STRN: variants seen among roughly 807,000 people sequenced by gnomAD.
STRN encodes the protein protein phosphatase 2 regulatory subunit B'''alpha.
In STRN, 53 loss-of-function variants were observed where a neutral mutation model predicts 96.3. That is an observed-to-expected ratio of 0.55 (90% CI 0.44 to 0.69). The LOEUF (loss-of-function observed/expected upper bound fraction) is 0.69. Among genes scored for constraint, STRN ranks in the 30% least tolerant of loss-of-function variants. The probability of loss-of-function intolerance (pLI) is 0.00; values close to 1 mark genes in which losing one functional copy is unlikely to be tolerated. For missense variants in STRN, 987 were observed against 963.9 expected, an observed-to-expected ratio of 1.02 and a Z score of -0.32; for synonymous variants, 428 against 355.9, an observed-to-expected ratio of 1.20 and a Z score of -2.28.
rs1171354299 is a variant in STRN at position 36,848,380 on chromosome 2, G to C, written c.*1076C>G. ...AGTGCTTCTGCAAAAGCAGCTGCGT[G>C]AAGTTAACCATACTCTTTGGGCTAT... On this transcript the variant is annotated 3_prime_UTR_variant, in exon 18 of 18. Transcript: ENST00000263918. 2 of 152,186 alleles carry C rather than the reference G, an allele frequency of 1.3e-5. No homozygotes were observed. The highest frequency in any genetic ancestry group is 2.9e-5 in the Non-Finnish European group (2 of 68,036). The allele number at this position is 152,186 out of a possible 1,614,324, so 9.4% of individuals were successfully genotyped here.
In STRN at chr2:36,893,951, G is replaced by A; in HGVS notation, c.878C>T (p.Thr293Ile). Residue 293 changes from threonine (T) to isoleucine (I), a missense_variant, in exon 7 of 18, where the codon ACA becomes ATA. Coordinates refer to ENST00000263918, the MANE Select transcript of STRN (RefSeq NM_003162.4). ...AGATTCATTGTCTCCTTCCTCTGAT[G>A]TAACCAAGAAGTCAAACTCCTTTAG... ...EALKEFDFLV[T>I]SEEGDNESRS... is the part of the protein sequence containing the mutation. The A allele has an allele frequency of 3.7e-6, 6 of 1,613,488 alleles. No individual in the cohort carries two copies. The highest frequency in any genetic ancestry group is 5.1e-6 in the Non-Finnish European group (6 of 1,179,790).
chr2:36,896,946 T>C (rs1669555749), intron 6 of STRN, among the ~76,000 whole-genome samples: 1 of 152,140 alleles, frequency 6.6e-6, no homozygotes, highest in Admixed American at 6.5e-5. Context: ...GGCAGGCGGA[T>C]CACCTGAGGT....
rs1043150782 is a variant in STRN, at chr2:36,863,479, A to C, written c.1548-2226T>G. On this transcript the variant is annotated intron_variant, in intron 12 of 17. Transcript: ENST00000263918. The stretch of plus-strand genomic sequence containing the variant: ...CAACTTTGTCGAAGATTAGACGGTT[A>C]TAAGTGTGCAGCTTTATTTCTGGGC... Among the ~76,000 whole-genome samples, 15 of 152,282 alleles carry C rather than the reference A, an allele frequency of 9.9e-5. 1 individual carries two copies. Among genetic ancestry groups the C allele is most frequent in the Admixed American group, 7.8e-4 (12 of 15,300 alleles).
chr2:36,884,715 T>C (rs946286922), intron 8 of STRN, among the ~76,000 whole-genome samples: 5 of 152,128 alleles, frequency 3.3e-5, no homozygotes, highest in African/African-American at 1.2e-4. Context: ...TACTAATGCC[T>C]AGAAATGTAT....
chr2:36,916,104 T>C lies in STRN; in HGVS notation c.386A>G (p.Asp129Gly), dbSNP rs375443062. 6.2e-7 allele frequency: 1 copy of C among 1,613,524 alleles called. No homozygotes were observed. The highest frequency in any genetic ancestry group is 8.5e-7 in the Non-Finnish European group (1 of 1,179,856). Residue 129 changes from aspartate (D) to glycine (G), a missense_variant, in exon 3 of 18, where the codon GAT becomes GGT. By Grantham distance (94) the Asp-to-Gly change is moderately conservative (BLOSUM62 -1). Coordinates refer to ENST00000263918, the MANE Select transcript of STRN (RefSeq NM_003162.4). Reference sequence around the variant, plus strand: ...AGAATCATAGCTTGGAGGCTTCATATCTCCCTGATTCAATTCTGTCCCGTA... The same window carrying C: ...AGAATCATAGCTTGGAGGCTTCATACCTCCCTGATTCAATTCTGTCCCGTA... ...LKYGTELNQGDMKPPSYDSDE... is the reference protein window; with the variant it reads ...LKYGTELNQGGMKPPSYDSDE...
Position 36,849,454 on chromosome 2 carries a change from C to A in STRN, c.*2G>T. On this transcript the variant is annotated 3_prime_UTR_variant, in exon 18 of 18. Transcript: ENST00000263918. ...GCTAGAAGGTGAAGATGATGCATTGCGTCATACAAAGACTTTAGCCAGTGC... is the reference window on the plus strand; with the variant it reads ...GCTAGAAGGTGAAGATGATGCATTGAGTCATACAAAGACTTTAGCCAGTGC... 1 of 1,613,732 alleles carries A rather than the reference C, an allele frequency of 6.2e-7. No individual in the cohort carries two copies. Among genetic ancestry groups the A allele is most frequent in the Non-Finnish European group, 8.5e-7 (1 of 1,179,816 alleles).
intron 9 of STRN, among the ~76,000 whole-genome samples, chr2:36,882,186 TA>T (rs562917267): frequency 3.1e-4 from 47 of 151,166 alleles, no homozygotes; most frequent in East Asian, 5.8e-4. Flanking sequence ...TGTAATTTAT[TA>T]AAAAAAAACA....
chr2:36,944,966 A>G (rs1349254123), intron 1 of STRN, among the ~76,000 whole-genome samples: 2 of 152,250 alleles, frequency 1.3e-5, no homozygotes, highest in Non-Finnish European at 1.5e-5. Flanking sequence ...AGACCAGAGC[A>G]GTCATTCTGG....
chr2:36,927,677 TA>T (rs984021184), intron 1 of STRN, among the ~76,000 whole-genome samples: 2 of 151,964 alleles, frequency 1.3e-5, no homozygotes, highest in African/African-American at 4.8e-5. Context: ...ATTAAAAATA[TA>T]AAAAATAAAG....
intron 4 of STRN, among the ~76,000 whole-genome samples, chr2:36,904,938 A>G (rs991032779): frequency 3.9e-4 from 60 of 152,144 alleles, no homozygotes; most frequent in African/African-American, 1.3e-3. Flanking sequence ...GTTTTAAAAC[A>G]TAACAAAATT....
At chr2:36,889,974 A>G (rs1669345069) in intron 7 of STRN, among the ~76,000 whole-genome samples, 1 of 152,224 alleles carries the variant, frequency 6.6e-6, no homozygotes, top group African/African-American at 2.4e-5. Flanking sequence ...TCACACGTTA[A>G]AGTAAAGGAA....
At position 36,839,150 on chromosome 2, in the gene STRN, A is replaced by T. The variant is rs1667887592; in HGVS notation, c.*10306T>A. ...GGACATGCTTCGTTTTGCCATTATG[A>T]ATCTTTATGCATTGTTTTTTGCATT... On this transcript the variant is annotated 3_prime_UTR_variant, in exon 18 of 18. Coordinates refer to ENST00000263918, the MANE Select transcript of STRN (RefSeq NM_003162.4). Among the ~76,000 whole-genome samples, 1 of 152,154 alleles carries T rather than the reference A, an allele frequency of 6.6e-6. No individual in the cohort carries two copies. The highest frequency in any genetic ancestry group is 1.5e-5 in the Non-Finnish European group (1 of 68,016).
In STRN at chr2:36,858,030, A is replaced by G. The variant is rs1668391351; in HGVS notation, c.1670-7T>C. 6.4e-7 allele frequency: 1 copy of G among 1,550,844 alleles called. No individual in the cohort carries two copies. The highest frequency in any genetic ancestry group is 2.0e-5 in the Admixed American group (1 of 50,464). On this transcript the variant is annotated splice_region_variant and splice_polypyrimidine_tract_variant and intron_variant, in intron 13 of 17. Transcript: ENST00000263918. ...CCTCGTAAAACAGAAGGATCTATAC[A>G]AAACAGTAAAAATGCAAAATCAGGA...
chr2:36,901,914 T>C (rs978049565), intron 5 of STRN, among the ~76,000 whole-genome samples: 4 of 152,168 alleles, frequency 2.6e-5, no homozygotes, highest in South Asian at 4.1e-4. Context: ...CCTAAACAAG[T>C]GTCAAAATAA....
Position 36,966,455 on chromosome 2 carries a change from C to A in STRN, c.9G>T (p.Glu3Asp). Residue 3 changes from glutamate to aspartate, a missense_variant, in exon 1 of 18, where the codon GAG becomes GAT. Coordinates refer to ENST00000263918, the MANE Select transcript of STRN (RefSeq NM_003162.4). MD[E>D]QAGPGVFFSN... is the part of the protein sequence containing the mutation. ...TGAAGAAGACGCCGGGACCCGCCTGCTCGTCCATGGCGGCCGCAGATACCC... is the reference window on the plus strand; with the variant it reads ...TGAAGAAGACGCCGGGACCCGCCTGATCGTCCATGGCGGCCGCAGATACCC... 1 of 1,460,502 alleles carries A rather than the reference C, an allele frequency of 6.8e-7. No homozygotes were observed. The highest frequency in any genetic ancestry group is 2.6e-5 in the Admixed American group (1 of 37,904). The allele number at this position is 1,460,502 out of a possible 1,614,324, so 90.5% of individuals were successfully genotyped here. A position where few individuals can be genotyped will look rare whatever the true frequency, so the allele number is the denominator to read the frequency against.
At chr2:36,867,502 G>C (rs1213830105) in intron 12 of STRN, 3 of 194,840 alleles carry the variant, frequency 1.5e-5, no homozygotes, top group African/African-American at 2.3e-5. Context: ...GGAGGCACTT[G>C]AATATTTTAA....
chr2:36,912,523 T>C (rs1240681564), intron 3 of STRN, among the ~76,000 whole-genome samples: 2 of 152,170 alleles, frequency 1.3e-5, no homozygotes, highest in African/African-American at 4.8e-5. Flanking sequence ...GTCTCCTGGT[T>C]TTCCTCCTAC....
rs147697221 is a variant in STRN at position 36,863,306 on chromosome 2, T to C, written c.1548-2053A>G. On this transcript the variant is annotated intron_variant, in intron 12 of 17. Transcript: ENST00000263918. ...GGTTTTCTTCAACTTTTTTTAGTTTTAGGTTTTGCATTTAAGTCTTTAATC... is the reference window on the plus strand; with the variant it reads ...GGTTTTCTTCAACTTTTTTTAGTTTCAGGTTTTGCATTTAAGTCTTTAATC... Among the ~76,000 whole-genome samples the C allele has an allele frequency of 3.8e-3, 577 of 152,342 alleles. 2 individuals carry two copies. Among genetic ancestry groups the C allele is most frequent in the African/African-American group, 0.013 (548 of 41,572 alleles).
At chr2:36,871,462 A>G (rs936910776) in intron 10 of STRN, among the ~76,000 whole-genome samples, 1 of 152,220 alleles carries the variant, frequency 6.6e-6, no homozygotes, top group African/African-American at 2.4e-5. Context: ...TAAAGCCTAT[A>G]CCATTTAGGC....
Sources: gnomAD v4.1 joint callset for allele counts (sites outside exome capture counted in the v4.1 genomes callset) on GRCh38, gnomAD v4.1.1 for gene constraint, MANE v1.5 for transcripts, NCBI Gene and HGNC (gene_info 2026-07-23, HGNC 2026-07-21) for gene names.